The following OTOF variants were observed in gnomAD, a reference collection of about 807,000 sequenced individuals.
OTOF encodes fer-1-like family member 2.
In OTOF, 218 loss-of-function variants were observed where a neutral mutation model predicts 236.8. The ratio of observed to expected loss-of-function variants is 0.92; its 90% CI spans 0.82 to 1.03. The LOEUF is 1.03. OTOF is among the 50% of genes least tolerant of loss of function. The probability of loss-of-function intolerance (pLI) is 0.00; values close to 1 mark genes in which losing one functional copy is unlikely to be tolerated. For synonymous variants in OTOF, 1,041 were observed against 1,072.5 expected (o/e 0.97, Z 0.57); for missense variants, 2,590 against 2,694.4 (o/e 0.96, Z 0.86).
Position 26,460,754 on chromosome 2 carries a change from A to G in OTOF, c.5713-7T>C. On this transcript the variant is annotated splice_region_variant and splice_polypyrimidine_tract_variant and intron_variant, in intron 44 of 46. Coordinates refer to ENST00000272371, the MANE Select transcript of OTOF (RefSeq NM_194248.3). This position sits in a 1 kb window ranked among gnomAD's most constrained non-coding sequence, Gnocchi z 5.3. ...GCTCAGCCTCCACCTTGCCCTGCAG[A>G]GGACAGACAGGTCCCAGCGTCCAGG... The G allele has an allele frequency of 1.2e-6, 2 of 1,613,910 alleles. No individual in the cohort carries two copies. Among genetic ancestry groups the G allele is most frequent in the East Asian group, 2.2e-5 (1 of 44,874 alleles).
chr2:26,546,320 G>A (rs1032654639), intron 1 of OTOF, among the ~76,000 whole-genome samples: 1 of 152,124 alleles, frequency 6.6e-6, no homozygotes, highest in African/African-American at 2.4e-5. Flanking sequence ...AATTAGCTGG[G>A]AGTGATGGTG....
chr2:26,537,766 A>G lies in OTOF; in HGVS notation c.88T>C (p.Phe30Leu), dbSNP rs781632684. 1.3e-6 allele frequency: 2 copies of G among 1,553,898 alleles called. No individual in the cohort carries two copies. The highest frequency in any genetic ancestry group is 1.7e-6 in the Non-Finnish European group (2 of 1,147,778). Residue 30 changes from phenylalanine (F) to leucine (L), a missense_variant, in exon 2 of 47, where the codon TTC (phenylalanine) becomes CTC (leucine). Transcript: ENST00000272371. ...CAGTTCTCCAGGACCCGAGAGTAGAAGGATTGCCCTGTGGGGAAAGAGGAA... is the reference window on the plus strand; with the variant it reads ...CAGTTCTCCAGGACCCGAGAGTAGAGGGATTGCCCTGTGGGGAAAGAGGAA... ...IAKVTFRGQSFYSRVLENCED... is the reference protein window; with the variant it reads ...IAKVTFRGQSLYSRVLENCED...
intron 3 of OTOF, among the ~76,000 whole-genome samples, chr2:26,526,849 A>G (rs1337869446): frequency 3.9e-5 from 6 of 152,174 alleles, no homozygotes; most frequent in African/African-American, 1.4e-4. Flanking sequence ...TCCAGCTTGT[A>G]TAAGAGCAAC....
In OTOF at chr2:26,460,044, T is replaced by C; in HGVS notation, c.5975A>G (p.Lys1992Arg). The C allele has an allele frequency of 6.4e-7, 1 of 1,571,414 alleles. No individual in the cohort carries two copies. Among genetic ancestry groups the C allele is most frequent in the Non-Finnish European group, 8.6e-7 (1 of 1,158,346 alleles). Residue 1992 changes from lysine (K) to arginine (R), a missense_variant, in exon 46 of 47, where the codon AAG becomes AGG. Lys to Arg is a conservative substitution (Grantham distance 26). This residue lies in a region of OTOF where 1,211 missense variants were observed against 1,352.8 expected (regional missense o/e 0.90). Coordinates refer to ENST00000272371, the MANE Select transcript of OTOF (RefSeq NM_194248.3). The surrounding 1 kb of genome is among the most constrained non-coding windows in gnomAD (Gnocchi z 5.3). Reference protein sequence around the residue: ...FLYSVPGYLVKKILGA With the variant: ...FLYSVPGYLVRKILGA ...CTGGGCTCAGGCCCCGAGGATTTTC[T>C]TGACCAGGTAGCCAGGCACAGAGTA...
intron 3 of OTOF, among the ~76,000 whole-genome samples, chr2:26,522,402 C>T (rs1666698614): frequency 6.6e-6 from 1 of 152,178 alleles, no homozygotes; most frequent in Non-Finnish European, 1.5e-5. Context: ...AGGATGCCAT[C>T]CCTCAGCCCG....
At chr2:26,468,890 CG>C (rs1285940397) in intron 32 of OTOF, among the ~76,000 whole-genome samples, 2 of 151,912 alleles carry the variant, frequency 1.3e-5, no homozygotes, top group Non-Finnish European at 2.9e-5. Flanking sequence ...CATCACACAC[CG>C]GGGCCTGTGG....
At chr2:26,534,983 G>T (rs1236462133) in intron 2 of OTOF, among the ~76,000 whole-genome samples, 2 of 152,268 alleles carry the variant, frequency 1.3e-5, no homozygotes, top group Non-Finnish European at 2.9e-5. Flanking sequence ...GGTCTAGGGA[G>T]AAAGGTTAAA....
intron 1 of OTOF, among the ~76,000 whole-genome samples, chr2:26,543,148 T>C (rs1558525866): frequency 1.3e-5 from 2 of 152,202 alleles, no homozygotes; most frequent in African/African-American, 2.4e-5. Context: ...CTCTGAGTGA[T>C]GGTCCTGCTG....
At chr2:26,468,277 G>A (rs1416007477) in intron 33 of OTOF, 131 bp downstream of exon 33, 1 of 766,864 alleles carries the variant, frequency 1.3e-6, no homozygotes, top group African/African-American at 1.7e-5. Flanking sequence ...GATTACTGAT[G>A]CTGCTTCCCT....
Position 26,457,373 on chromosome 2 carries a change from G to T in OTOF, c.*865C>A, listed in dbSNP as rs1664239481. 2 of 152,642 alleles carry T rather than the reference G, an allele frequency of 1.3e-5. No homozygotes were observed. The highest frequency in any genetic ancestry group is 4.8e-5 in the African/African-American group (2 of 41,474). The allele number at this position is 152,642 out of a possible 1,614,324, so 9.5% of individuals were successfully genotyped here. ...GGGTGGGAGGACAGGGTGTGCCCGG[G>T]ATGGGGAGTCCCCTCTGCTGCTTCT... is the stretch of plus-strand genomic sequence containing the variant. On this transcript the variant is annotated 3_prime_UTR_variant, in exon 47 of 47. Transcript: ENST00000272371. This position sits in a 1 kb window ranked among gnomAD's most constrained non-coding sequence, Gnocchi z 4.4.
chr2:26,465,576 T>A, intron 38 of OTOF, 96 bp downstream of exon 38: 1 of 1,364,624 alleles, frequency 7.3e-7, no homozygotes. Flanking sequence ...GAAACCACAA[T>A]GTCTAACCTC....
chr2:26,492,150 T>C (rs143685585), intron 9 of OTOF, among the ~76,000 whole-genome samples: 3 of 152,270 alleles, frequency 2.0e-5, no homozygotes, highest in Non-Finnish European at 4.4e-5. Flanking sequence ...GAAGGAATCA[T>C]AGTAAGATAG....
chr2:26,515,032 C>A (rs7604720), intron 5 of OTOF, among the ~76,000 whole-genome samples: 72,122 of 152,082 alleles, frequency 0.47, 17,494 homozygotes, highest in Middle Eastern at 0.59. Context: ...CTACAAGAAA[C>A]CTGTTTGTCT....
chr2:26,472,284 CCACACACATGCG>C, intron 30 of OTOF: 1 of 579,454 alleles, frequency 1.7e-6, no homozygotes, highest in South Asian at 1.8e-5. Flanking sequence ...CATATGCACA[CCACACACATGCG>C]CACACACATG....
rs6547101 is a variant in OTOF at position 26,550,945 on chromosome 2, G to A, written c.79+7548C>T. Among the ~76,000 whole-genome samples, 1,439 of 152,168 alleles carry A rather than the reference G, an allele frequency of 9.5e-3. 23 individuals are homozygous for A. Among genetic ancestry groups the A allele is most frequent in the African/African-American group, 0.033 (1,361 of 41,506 alleles). ...CCCTGATGCATCTCCACACCACCAC[G>A]TCTGCACTAGTGTTAGCCCCTCTGC... On this transcript the variant is annotated intron_variant, in intron 1 of 46. Coordinates refer to ENST00000272371, the MANE Select transcript of OTOF (RefSeq NM_194248.3).
Position 26,461,842 on chromosome 2 carries a change from G to A in OTOF, c.5387C>T (p.Pro1796Leu). Reference sequence around the variant, plus strand: ...CTCCTCCGCCGCCAGGTAGTCGAAGGGGAACAGGTAGCGCCAGTTGAAGTT... The same window carrying A: ...CTCCTCCGCCGCCAGGTAGTCGAAGAGGAACAGGTAGCGCCAGTTGAAGTT... ...EGNFNWRYLF[P>L]FDYLAAEEKI... The change falls in exon 43 of 47, where the codon CCC becomes CTC. Residue 1796 changes from proline (P) to leucine (L), a missense_variant. By Grantham distance (98) the Pro-to-Leu change is moderately conservative. This residue lies in a region of OTOF where 1,211 missense variants were observed against 1,352.8 expected (regional missense o/e 0.90). Transcript: ENST00000272371. The surrounding 1 kb of genome is among the most constrained non-coding windows in gnomAD (Gnocchi z 6.2). 6.2e-7 allele frequency: 1 copy of A among 1,614,196 alleles called. No homozygotes were observed. Among genetic ancestry groups the A allele is most frequent in the Non-Finnish European group, 8.5e-7 (1 of 1,180,032 alleles).
At chr2:26,479,760 A>G in intron 16 of OTOF, 107 bp from the exon 17 acceptor site, 1 of 1,089,956 alleles carries the variant, frequency 9.2e-7, no homozygotes, top group Non-Finnish European at 1.4e-6. Flanking sequence ...AGGGAGAGTC[A>G]GGGAATGGGG....
chr2:26,493,496 T>C (rs535258319), intron 9 of OTOF, among the ~76,000 whole-genome samples: 1 of 152,152 alleles, frequency 6.6e-6, no homozygotes, highest in Non-Finnish European at 1.5e-5. Flanking sequence ...GCCTGTGGCT[T>C]CTGGGTTAGT....
chr2:26,466,007 T>G lies in OTOF; in HGVS notation c.4570A>C (p.Thr1524Pro). 1.2e-6 allele frequency: 2 copies of G among 1,614,238 alleles called. No individual in the cohort carries two copies. Among genetic ancestry groups the G allele is most frequent in the Non-Finnish European group, 1.7e-6 (2 of 1,180,034 alleles). The change falls in exon 37 of 47, where the codon ACT (threonine) becomes CCT (proline). Residue 1524 changes from threonine (T) to proline (P), a missense_variant. By Grantham distance (38) the Thr-to-Pro change is conservative (BLOSUM62 -1). Around this residue, in one of 2 missense-constraint regions of OTOF, gnomAD observed 1,211 missense variants for 1,352.8 expected, o/e 0.90. Transcript: ENST00000272371. ...TAGTTCTCCTTGTCGCGGATGTCAG[T>G]CTTGCCTAGCCGGATGGCGATGTAG... ...DPYIAIRLGK[T>P]DIRDKENYIS...
Sources: gnomAD v4.1 joint callset for allele counts (sites outside exome capture counted in the v4.1 genomes callset) on GRCh38, gnomAD v4.1.1 for gene constraint, gnomAD v4.1.1 regional missense constraint, Gnocchi (gnomAD v3.1) non-coding constraint, MANE v1.5 for transcripts, NCBI Gene and HGNC (gene_info 2026-07-23, HGNC 2026-07-21) for gene names.